COL11A1: variants seen among roughly 807,000 people sequenced by gnomAD.
COL11A1 encodes the protein collagen type XI alpha 1 chain.
A neutral mutation model predicts 265.2 loss-of-function variants in COL11A1; 74 were observed. That is an observed-to-expected ratio of 0.28 (90% CI 0.23 to 0.34). The LOEUF is 0.34. COL11A1 is among the 10% of genes least tolerant of loss of function. The probability of loss-of-function intolerance (pLI) is 1.00; values close to 1 mark genes in which losing one functional copy is unlikely to be tolerated. For missense variants in COL11A1, 2,165 were observed against 2,263.6 expected (o/e 0.96, Z 0.88); for synonymous variants, 816 against 727.6 (o/e 1.12, Z -1.96).
Position 102,979,088 on chromosome 1 carries a change from G to C in COL11A1, c.2627C>G (p.Pro876Arg). The C allele has an allele frequency of 6.2e-7, 1 of 1,614,122 alleles. No homozygotes were observed. Among genetic ancestry groups the C allele is most frequent in the Non-Finnish European group, 8.5e-7 (1 of 1,179,994 alleles). ...TGGACCACGCTGACCCCGAGGGCCTGGTTTGCCAGCTACTCCCTAGCAAAG... is the reference window on the plus strand; with the variant it reads ...TGGACCACGCTGACCCCGAGGGCCTCGTTTGCCAGCTACTCCCTAGCAAAG... Reference protein sequence around the residue: ...EKGARGVAGKPGPRGQRGPTG... With the variant: ...EKGARGVAGKRGPRGQRGPTG... Residue 876 changes from proline to arginine, a missense_variant, in exon 33 of 67, where the codon CCA becomes CGA. Physicochemically the swap from Pro to Arg is moderately radical, Grantham distance 103. Transcript: ENST00000370096.
chr1:102,966,507 A>G (rs1230614796), intron 37 of COL11A1, among the ~76,000 whole-genome samples: 1 of 152,336 alleles, frequency 6.6e-6, no homozygotes, highest in East Asian at 1.9e-4. Flanking sequence ...TGCTACAGGG[A>G]AAGAAAATAG....
intron 11 of COL11A1, among the ~76,000 whole-genome samples, chr1:103,016,347 A>G (rs1217180480): frequency 6.6e-6 from 1 of 151,994 alleles, no homozygotes; most frequent in Admixed American, 6.6e-5. Context: ...TACTCAGTGT[A>G]TGTATGTGTG....
intron 31 of COL11A1, among the ~76,000 whole-genome samples, chr1:102,980,331 A>T (rs1378533829): frequency 6.6e-6 from 1 of 152,132 alleles, no homozygotes; most frequent in Non-Finnish European, 1.5e-5. Context: ...AATCCCCAAT[A>T]ACCAAATTTC....
chr1:102,969,747 AGT>A (rs1661770521), intron 37 of COL11A1, among the ~76,000 whole-genome samples: 1 of 152,214 alleles, frequency 6.6e-6, no homozygotes, highest in East Asian at 1.9e-4. Context: ...GTTCCCAACC[AGT>A]TATAGCCGAT....
At chr1:102,909,965 T>C (rs897092681) in intron 54 of COL11A1, among the ~76,000 whole-genome samples, 1 of 152,044 alleles carries the variant, frequency 6.6e-6, no homozygotes, top group Admixed American at 6.6e-5. Context: ...TTAGTAAATA[T>C]GACTGAAAAT....
At chr1:103,083,678 T>G (rs1467857346) in intron 1 of COL11A1, among the ~76,000 whole-genome samples, 3 of 152,180 alleles carry the variant, frequency 2.0e-5, no homozygotes, top group Admixed American at 2.0e-4. Flanking sequence ...CACACAAAGG[T>G]GTATGTATGT....
At chr1:103,053,500 C>T (rs879586791) in intron 4 of COL11A1, among the ~76,000 whole-genome samples, 9 of 152,122 alleles carry the variant, frequency 5.9e-5, no homozygotes, top group African/African-American at 2.2e-4. Context: ...ATCACTGAAG[C>T]TTGGTCATAA....
rs1367070586 is a variant in COL11A1, at chr1:102,923,323, A to T, written c.3654+13T>A. 1 of 1,603,776 alleles carries T rather than the reference A, an allele frequency of 6.2e-7. No individual in the cohort carries two copies. Among genetic ancestry groups the T allele is most frequent in the Non-Finnish European group, 8.5e-7 (1 of 1,173,668 alleles). ...TAACACATACCCATCAAACACCAAA[A>T]ATAAAAACTTACCATGGGACCAACA... On this transcript the variant is annotated intron_variant, in intron 47 of 66. Coordinates refer to ENST00000370096, the MANE Select transcript of COL11A1 (RefSeq NM_001854.4).
At chr1:103,040,631 C>T (rs1668736547) in intron 4 of COL11A1, among the ~76,000 whole-genome samples, 1 of 151,406 alleles carries the variant, frequency 6.6e-6, no homozygotes, top group Non-Finnish European at 1.5e-5. Context: ...TCATCTGATA[C>T]ATTTTAAAAA....
In COL11A1 at chr1:103,031,190, A is replaced by T. The variant is rs565405677; in HGVS notation, c.706T>A (p.Cys236Ser). The T allele has an allele frequency of 6.2e-7, 1 of 1,611,968 alleles. No individual in the cohort carries two copies. Among genetic ancestry groups the T allele is most frequent in the African/African-American group, 1.3e-5 (1 of 74,946 alleles). Residue 236 changes from cysteine to serine, a missense_variant, in exon 5 of 67, where the codon TGT becomes AGT. By Grantham distance (112) the Cys-to-Ser change is moderately radical (BLOSUM62 -1). Transcript: ENST00000370096. ...TCACAGTCTGGACTATAATGCTCAC[A>T]GTAGTCATATGCTGCCTTGGGATCA... Reference protein sequence around the residue: ...TGDPKAAYDYCEHYSPDCDSS... With the variant: ...TGDPKAAYDYSEHYSPDCDSS...
At chr1:102,938,542 T>C (rs939256256) in intron 44 of COL11A1, among the ~76,000 whole-genome samples, 2 of 152,092 alleles carry the variant, frequency 1.3e-5, no homozygotes, top group African/African-American at 4.8e-5. Context: ...TTAAAGAGAA[T>C]ATATACTGGT....
intron 57 of COL11A1, among the ~76,000 whole-genome samples, chr1:102,895,863 T>C (rs1360610772): frequency 6.6e-6 from 1 of 151,254 alleles, no homozygotes; most frequent in Non-Finnish European, 1.5e-5. Context: ...TAAGTATAAT[T>C]GTACTTGTTG....
At chr1:103,037,996 A>G (rs1161716835) in intron 4 of COL11A1, among the ~76,000 whole-genome samples, 3 of 152,188 alleles carry the variant, frequency 2.0e-5, no homozygotes, top group African/African-American at 7.2e-5. Context: ...AACTTGCAAC[A>G]TACAGGTATC....
intron 1 of COL11A1, among the ~76,000 whole-genome samples, chr1:103,090,856 G>T (rs1330233494): frequency 6.6e-6 from 1 of 152,062 alleles, no homozygotes; most frequent in Admixed American, 6.5e-5. Flanking sequence ...GTTCTCTGCA[G>T]TTGAGTAGAA....
intron 54 of COL11A1, among the ~76,000 whole-genome samples, chr1:102,906,569 G>A (rs1395420631): frequency 1.3e-5 from 2 of 151,894 alleles, no homozygotes; most frequent in Non-Finnish European, 2.9e-5. Context: ...CACCACACCT[G>A]GGTAATTTTT....
At chr1:102,983,323 A>T (rs1663220378) in intron 31 of COL11A1, among the ~76,000 whole-genome samples, 1 of 152,088 alleles carries the variant, frequency 6.6e-6, no homozygotes, top group African/African-American at 2.4e-5. Flanking sequence ...ATCCATATAC[A>T]AATCTATGGA....
At chr1:103,074,893 C>T in intron 3 of COL11A1, 113 bp from the exon 4 acceptor site, 1 of 1,250,538 alleles carries the variant, frequency 8.0e-7, no homozygotes, top group Admixed American at 1.9e-5. Flanking sequence ...TAAAATCATA[C>T]AAAAAATGTA....
intron 4 of COL11A1, among the ~76,000 whole-genome samples, chr1:103,032,582 A>G (rs1668067622): frequency 1.3e-5 from 2 of 152,092 alleles, no homozygotes; most frequent in African/African-American, 4.8e-5. Flanking sequence ...CAAGAAAGGA[A>G]TAAGTTAATT....
intron 36 of COL11A1, among the ~76,000 whole-genome samples, chr1:102,971,833 G>A (rs971751198): frequency 2.0e-5 from 3 of 151,810 alleles, no homozygotes; most frequent in African/African-American, 7.3e-5. Context: ...GACTTCTTCA[G>A]GTTTTCCAGG....
Sources: allele counts gnomAD v4.1 joint callset (sites outside exome capture counted in the v4.1 genomes callset), GRCh38; gene constraint gnomAD v4.1.1; transcripts MANE v1.5; gene names NCBI Gene and HGNC (gene_info 2026-07-23, HGNC 2026-07-21).